Variants in ASIC2 observed in about 807,000 individuals in gnomAD.
The protein encoded by ASIC2 is acid-sensing ion channel 2.
A neutral mutation model predicts 57.3 loss-of-function variants in ASIC2; 25 were observed. The observed-to-expected ratio is 0.44, with a 90% CI of 0.32 to 0.61. The LOEUF (loss-of-function observed/expected upper bound fraction) is 0.61. Among genes scored for constraint, ASIC2 ranks in the 20% least tolerant of loss-of-function variants. The pLI is 0.06. For missense variants in ASIC2, 641 were observed against 738.1 expected, an observed-to-expected ratio of 0.87 and a Z score of 1.52; for synonymous variants, 319 against 307.5, an observed-to-expected ratio of 1.04 and a Z score of -0.39.
chr17:34,090,720 C>T (rs532299170), intron 1 of ASIC2, among the ~76,000 whole-genome samples: 8 of 152,322 alleles, frequency 5.3e-5, no homozygotes, highest in Non-Finnish European at 1.0e-4. Context: ...CAGTAATGGG[C>T]CACTCCCCAC....
At chr17:33,761,473 G>A (rs1404446048) in intron 1 of ASIC2, among the ~76,000 whole-genome samples, 1 of 152,106 alleles carries the variant, frequency 6.6e-6, no homozygotes, top group Non-Finnish European at 1.5e-5. Context: ...CTGATTCAGA[G>A]GGACCACTCC....
intron 1 of ASIC2, among the ~76,000 whole-genome samples, chr17:33,724,300 G>A (rs1365071337): frequency 6.6e-6 from 1 of 152,104 alleles, no homozygotes; most frequent in Admixed American, 6.5e-5. Flanking sequence ...TTTATCAGCA[G>A]CATCAAAACA....
chr17:33,630,650 C>G (rs1394275485), intron 1 of ASIC2, among the ~76,000 whole-genome samples: 1 of 148,094 alleles, frequency 6.8e-6, no homozygotes, highest in Non-Finnish European at 1.5e-5. Context: ...CCTTAACAAT[C>G]TACTTAACCT....
intron 1 of ASIC2, among the ~76,000 whole-genome samples, chr17:33,855,632 C>A (rs1480490577): frequency 6.6e-6 from 1 of 151,934 alleles, no homozygotes; most frequent in East Asian, 1.9e-4. Context: ...GATGATGATG[C>A]TGATGATGGG....
At chr17:33,076,720 T>C (rs535260684) in intron 3 of ASIC2, among the ~76,000 whole-genome samples, 31 of 152,332 alleles carry the variant, frequency 2.0e-4, no homozygotes, top group African/African-American at 7.2e-4. Context: ...CCAATATGTC[T>C]TAGAAATTTT....
At chr17:33,079,571 C>T (rs781266481) in intron 3 of ASIC2, among the ~76,000 whole-genome samples, 3 of 151,902 alleles carry the variant, frequency 2.0e-5, no homozygotes, top group Non-Finnish European at 4.4e-5. Flanking sequence ...ATGAGCAGGG[C>T]TGTATTTTAG....
intron 1 of ASIC2, among the ~76,000 whole-genome samples, chr17:33,951,868 A>G (rs1904586308): frequency 6.6e-6 from 1 of 151,708 alleles, no homozygotes; most frequent in African/African-American, 2.4e-5. Flanking sequence ...TGTTGGGATT[A>G]CAGGTGTGAG....
intron 1 of ASIC2, chr17:34,003,756 G>C (rs1431086094): frequency 1.3e-5 from 2 of 152,056 alleles, no homozygotes; most frequent in Non-Finnish European, 2.9e-5. Context: ...TGTCTGTCTG[G>C]GCCCAAGACC....
intron 1 of ASIC2, among the ~76,000 whole-genome samples, chr17:33,706,088 CAT>C: frequency 6.6e-6 from 1 of 151,774 alleles, no homozygotes; most frequent in East Asian, 1.9e-4. Context: ...CACATGTATG[CAT>C]ATATACACCC....
chr17:33,640,826 C>A (rs1485920321), intron 1 of ASIC2, among the ~76,000 whole-genome samples: 1 of 152,184 alleles, frequency 6.6e-6, no homozygotes, highest in African/African-American at 2.4e-5. Flanking sequence ...CCTGGCTGGC[C>A]TGCGAGAGTC....
At chr17:33,071,282 T>C (rs1398866523) in intron 3 of ASIC2, among the ~76,000 whole-genome samples, 6 of 152,210 alleles carry the variant, frequency 3.9e-5, no homozygotes, top group African/African-American at 1.4e-4. Flanking sequence ...ACATTCTTCA[T>C]TTTAAAAATC....
chr17:33,619,874 C>T (rs1905727699), intron 1 of ASIC2, among the ~76,000 whole-genome samples: 1 of 151,964 alleles, frequency 6.6e-6, no homozygotes, highest in Admixed American at 6.6e-5. Context: ...TCTGTTCTTT[C>T]AAGGTAGAGG....
intron 1 of ASIC2, among the ~76,000 whole-genome samples, chr17:33,464,504 C>A (rs1006381469): frequency 7.6e-5 from 3 of 39,434 alleles, no homozygotes; most frequent in Non-Finnish European, 1.1e-4. Context: ...TTCTTTCTTT[C>A]TTTCTTTCTT....
intron 1 of ASIC2, among the ~76,000 whole-genome samples, chr17:33,451,778 TC>T (rs1489605758): frequency 1.3e-5 from 2 of 152,168 alleles, no homozygotes; most frequent in Non-Finnish European, 2.9e-5. Context: ...TTAGTCTCTT[TC>T]ATCAGGACCT....
chr17:33,199,907 T>C (rs981182998), intron 1 of ASIC2, among the ~76,000 whole-genome samples: 5 of 152,148 alleles, frequency 3.3e-5, no homozygotes, highest in Non-Finnish European at 7.3e-5. Flanking sequence ...CAGCACTGCC[T>C]CTGAGACCTG....
rs541346878 is a variant in ASIC2 at position 33,453,032 on chromosome 17, C to T, written c.556-340965G>A. 4.9e-4 allele frequency among the ~76,000 whole-genome samples: 74 copies of T among 152,262 alleles called. 1 individual carries two copies. The highest frequency in any genetic ancestry group is 4.7e-4 in the Non-Finnish European group (32 of 68,022). ...ATTCCTTTCGAATGAATGTTGTTAG[C>T]ACCCTTTCAAACAGCCTCTCCGAAG... On this transcript the variant is annotated intron_variant, in intron 1 of 9. Transcript: ENST00000359872.
chr17:33,215,448 G>A (rs1907439830), intron 1 of ASIC2, among the ~76,000 whole-genome samples: 1 of 152,142 alleles, frequency 6.6e-6, no homozygotes, highest in South Asian at 2.1e-4. Flanking sequence ...TCCACACAAT[G>A]GAGTTTTATG....
chr17:34,118,578 T>C (rs1000522836), intron 1 of ASIC2: 2 of 152,260 alleles, frequency 1.3e-5, no homozygotes, highest in Admixed American at 1.3e-4. Flanking sequence ...ATCTGGTCCC[T>C]TTCCTGGATG....
At chr17:33,522,522 C>A (rs1914773066) in intron 1 of ASIC2, among the ~76,000 whole-genome samples, 1 of 152,188 alleles carries the variant, frequency 6.6e-6, no homozygotes, top group Non-Finnish European at 1.5e-5. Context: ...ACTCACTAAA[C>A]TTCTCTGACC....
Sources: gnomAD v4.1 joint callset for allele counts (sites outside exome capture counted in the v4.1 genomes callset) on GRCh38, gnomAD v4.1.1 for gene constraint, MANE v1.5 for transcripts, NCBI Gene and HGNC (gene_info 2026-07-23, HGNC 2026-07-21) for gene names.